ST18: variants seen among roughly 807,000 people sequenced by gnomAD.
ST18 encodes ST18 C2H2C-type zinc finger transcription factor, also known as suppression of tumorigenicity 18 protein.
A neutral mutation model predicts 110.0 loss-of-function variants in ST18; 50 were observed. The observed-to-expected ratio is 0.45, with a 90% CI of 0.36 to 0.58. ST18 has a LOEUF of 0.58. Among genes scored for constraint, ST18 ranks in the 20% least tolerant of loss-of-function variants. ST18 has a pLI of 0.00. For missense variants in ST18, 1,306 were observed against 1,280.1 expected (o/e 1.02, Z -0.31); for synonymous variants, 461 against 452.4 (o/e 1.02, Z -0.24).
In ST18 at chr8:52,171,892, G is replaced by C; in HGVS notation, c.969C>G (p.Thr323=). The C allele has an allele frequency of 6.2e-7, 1 of 1,614,166 alleles. No homozygotes were observed. The highest frequency in any genetic ancestry group is 8.5e-7 in the Non-Finnish European group (1 of 1,180,030). The part of the protein sequence containing the change: ...QAERGCVFHN[T]YKELDRFLLE... Reference sequence around the variant, plus strand: ...GCAGGAACCTATCCAGCTCTTTGTAGGTGTTATGGAAAACACAACCTCGCT... The same window carrying C: ...GCAGGAACCTATCCAGCTCTTTGTACGTGTTATGGAAAACACAACCTCGCT... The change falls in exon 10 of 26, where the codon ACC becomes ACG. Residue 323 remains threonine, a synonymous_variant. Transcript: ENST00000689386.
At chr8:52,167,141 C>T (rs1255614369) in intron 10 of ST18, among the ~76,000 whole-genome samples, 155 bp from the exon 11 acceptor site, 2 of 152,194 alleles carry the variant, frequency 1.3e-5, no homozygotes, top group Non-Finnish European at 2.9e-5. Context: ...TCAACTAAGA[C>T]CTGTGGAAAC....
At chr8:52,363,053 A>T (rs1055934479) in intron 2 of ST18, among the ~76,000 whole-genome samples, 1 of 152,242 alleles carries the variant, frequency 6.6e-6, no homozygotes, top group African/African-American at 2.4e-5. Context: ...TACTAAAAAA[A>T]TACAAAAAAT....
At chr8:52,206,813 C>T (rs1207199618) in intron 8 of ST18, 1 of 152,182 alleles carries the variant, frequency 6.6e-6, no homozygotes, top group African/African-American at 2.4e-5. Context: ...ATCTCTAAAA[C>T]ATGCTTTGAG....
chr8:52,116,467 T>G (rs375870926), intron 24 of ST18, 49 bp from the exon 25 acceptor site: 32 of 1,565,494 alleles, frequency 2.0e-5, no homozygotes, highest in Non-Finnish European at 2.8e-5. Flanking sequence ...TTGGAAGGAG[T>G]GTAAAAGGTT....
intron 8 of ST18, among the ~76,000 whole-genome samples, chr8:52,206,160 T>C (rs4358818): frequency 0.99 from 150,221 of 152,140 alleles, 74,172 homozygotes; most frequent in East Asian, 1. Flanking sequence ...TCCATGAACT[T>C]AGCACATGAG....
intron 8 of ST18, 56 bp from the exon 9 acceptor site, chr8:52,180,368 G>A: frequency 3.2e-6 from 5 of 1,584,764 alleles, no homozygotes; most frequent in Non-Finnish European, 4.3e-6. Context: ...CTGCTGTTTG[G>A]CATTTAACTT....
At chr8:52,218,819 T>G (rs919525794) in intron 5 of ST18, among the ~76,000 whole-genome samples, 1 of 152,134 alleles carries the variant, frequency 6.6e-6, no homozygotes, top group African/African-American at 2.4e-5. Context: ...GTTCTGTCGC[T>G]GTGTTACATT....
At chr8:52,327,443 A>G (rs1241474221) in intron 2 of ST18, among the ~76,000 whole-genome samples, 1 of 152,206 alleles carries the variant, frequency 6.6e-6, no homozygotes, top group Non-Finnish European at 1.5e-5. Flanking sequence ...GTGATGAAGG[A>G]CATAGTTGAA....
chr8:52,227,853 C>T (rs754727975), intron 3 of ST18, among the ~76,000 whole-genome samples: 2 of 152,160 alleles, frequency 1.3e-5, no homozygotes, highest in Non-Finnish European at 2.9e-5. Flanking sequence ...GGTCCAGTTT[C>T]TCTTCCCTGG....
chr8:52,150,270 G>A (rs1321745265), intron 15 of ST18, among the ~76,000 whole-genome samples: 3 of 151,896 alleles, frequency 2.0e-5, no homozygotes, highest in African/African-American at 7.3e-5. Flanking sequence ...GTGTGTGTGT[G>A]TGTGTGTGTG....
chr8:52,402,496 C>T (rs1175788536), intron 2 of ST18, among the ~76,000 whole-genome samples: 1 of 152,122 alleles, frequency 6.6e-6, no homozygotes, highest in African/African-American at 2.4e-5. Context: ...CAGGGCACAG[C>T]ATTGACATGG....
chr8:52,284,882 G>C (rs1018612048), intron 2 of ST18, among the ~76,000 whole-genome samples: 6 of 151,762 alleles, frequency 4.0e-5, no homozygotes, highest in African/African-American at 1.5e-4. Context: ...ATATTTTTTG[G>C]GAAAATTGGT....
intron 2 of ST18, among the ~76,000 whole-genome samples, chr8:52,330,491 C>A (rs750460186): frequency 6.6e-6 from 1 of 152,170 alleles, no homozygotes; most frequent in Non-Finnish European, 1.5e-5. Context: ...AGTAGCTAAT[C>A]TAAAATTCAT....
At chr8:52,183,791 T>C (rs993319363) in intron 8 of ST18, among the ~76,000 whole-genome samples, 1 of 152,196 alleles carries the variant, frequency 6.6e-6, no homozygotes, top group African/African-American at 2.4e-5. Flanking sequence ...ATTTACGCAA[T>C]GCATGTATGT....
chr8:52,306,960 T>C (rs71513578), intron 2 of ST18, among the ~76,000 whole-genome samples: 3 of 152,172 alleles, frequency 2.0e-5, no homozygotes, highest in Non-Finnish European at 1.5e-5. Flanking sequence ...CAACTTTTAT[T>C]TGAAATATAA....
chr8:52,284,813 C>T (rs1223877175), intron 2 of ST18, among the ~76,000 whole-genome samples: 3 of 151,930 alleles, frequency 2.0e-5, no homozygotes, highest in African/African-American at 7.3e-5. Context: ...ATAACCCCCG[C>T]CACCCCCCAA....
chr8:52,313,614 A>G (rs62499840), intron 2 of ST18: 18,225 of 152,118 alleles, frequency 0.12, 1,468 homozygotes, highest in Middle Eastern at 0.23. Flanking sequence ...CTATCTGGGC[A>G]CCCCTTGGCT....
intron 8 of ST18, among the ~76,000 whole-genome samples, chr8:52,210,424 G>A (rs1398303214): frequency 3.9e-5 from 6 of 152,112 alleles, no homozygotes; most frequent in South Asian, 4.2e-4. Context: ...AGCTCTGGCC[G>A]AGGTGGGAGA....
chr8:52,293,436 C>T (rs754401343), intron 2 of ST18, among the ~76,000 whole-genome samples: 34 of 152,156 alleles, frequency 2.2e-4, no homozygotes, highest in Non-Finnish European at 3.7e-4. Flanking sequence ...GTGGTAAGTG[C>T]GTTTTTTCCT....
Sources: gnomAD v4.1 joint callset for allele counts (sites outside exome capture counted in the v4.1 genomes callset) on GRCh38, gnomAD v4.1.1 for gene constraint, MANE v1.5 for transcripts, NCBI Gene and HGNC (gene_info 2026-07-23, HGNC 2026-07-21) for gene names.